Variants in ADAMTS1 observed in about 807,000 individuals in gnomAD.
The protein encoded by ADAMTS1 is ADAM metallopeptidase with thrombospondin type 1 motif 1, also known as A disintegrin and metalloproteinase with thrombospondin motifs 1.
ADAMTS1 carries 19 observed loss-of-function variants against 87.9 expected under a neutral mutation model. The ratio of observed to expected loss-of-function variants is 0.22; its 90% CI spans 0.15 to 0.32. The LOEUF (loss-of-function observed/expected upper bound fraction) is 0.32, where lower values mean the gene tolerates loss of function less well. Among genes scored for constraint, ADAMTS1 ranks in the 10% least tolerant of loss-of-function variants. The pLI is 1.00. For missense variants in ADAMTS1, 1,240 were observed against 1,259.1 expected (o/e 0.98, Z 0.23); for synonymous variants, 542 against 501.8 (o/e 1.08, Z -1.07).
chr21:26,839,548 C>T, intron 7 of ADAMTS1, 39 bp downstream of exon 7: 3 of 1,489,602 alleles, frequency 2.0e-6, no homozygotes, highest in Non-Finnish European at 2.7e-6. Context: ...CAAGCCCAGG[C>T]CTTGATTTTT....
In ADAMTS1 at chr21:26,837,954, C is replaced by T; in HGVS notation, c.2529G>A (p.Lys843=). Residue 843 remains lysine, a synonymous_variant, in exon 9 of 9, where the codon AAG becomes AAA. Transcript: ENST00000284984. ...RPKIKYTYFV[K]KKKESFNAIP... is the part of the protein sequence containing the mutation. ...TAGCATTGAAAGATTCCTTCTTCTT[C>T]TTTACGAAGTAGGTGTATTTAATTT... 1 of 1,614,200 alleles carries T rather than the reference C, an allele frequency of 6.2e-7. No homozygotes were observed.
rs1160915340 is a variant in ADAMTS1, at chr21:26,844,653, G to A, written c.302C>T (p.Thr101Met). 1 of 1,601,258 alleles carries A rather than the reference G, an allele frequency of 6.2e-7. No individual in the cohort carries two copies. The highest frequency in any genetic ancestry group is 8.5e-7 in the Non-Finnish European group (1 of 1,174,258). The stretch of plus-strand genomic sequence containing the variant: ...GGATTTGCGCCCCACGTTCTGGAGC[G>A]TGAAGCCGGGCGCCAAAAAGCTGCT... The part of the protein sequence containing the change: ...PDSSFLAPGF[T>M]LQNVGRKSGS... Residue 101 changes from threonine to methionine, a missense_variant, in exon 1 of 9, where the codon ACG becomes ATG. By Grantham distance (81) the Thr-to-Met change is moderately conservative. Transcript: ENST00000284984.
At position 26,844,639 on chromosome 21, in the gene ADAMTS1, C is replaced by T. The variant is rs771759437; in HGVS notation, c.316G>A (p.Gly106Arg). 6.2e-7 allele frequency: 1 copy of T among 1,605,824 alleles called. No individual in the cohort carries two copies. The highest frequency in any genetic ancestry group is 8.5e-7 in the Non-Finnish European group (1 of 1,176,500). Residue 106 changes from glycine (G) to arginine (R), a missense_variant, in exon 1 of 9, where the codon GGG (glycine) becomes AGG (arginine). Physicochemically the swap from Gly to Arg is moderately radical, Grantham distance 125 (BLOSUM62 -2). Transcript: ENST00000284984. ...LAPGFTLQNV[G>R]RKSGSETPLP... ...GGCGTCTCGGACCCGGATTTGCGCC[C>T]CACGTTCTGGAGCGTGAAGCCGGGC...
In ADAMTS1 at chr21:26,835,782, T is replaced by C. The variant is rs1456820329; in HGVS notation, c.*1797A>G. ...AAAGCTCTTTCCATTTAATTTATGG[T>C]ATATACCAGGGTTGGCAAACTGAAT... On this transcript the variant is annotated 3_prime_UTR_variant, in exon 9 of 9. Transcript: ENST00000284984. 7.0e-6 allele frequency: 1 copy of C among 143,564 alleles called. No homozygotes were observed. The highest frequency in any genetic ancestry group is 1.6e-5 in the Non-Finnish European group (1 of 62,544). 8.9% of individuals were successfully genotyped at this position (143,564 alleles called of 1,614,324 possible).
rs1203135608 is a variant in ADAMTS1 at position 26,841,952 on chromosome 21, C to T, written c.1116G>A (p.Met372Ile). The change falls in exon 3 of 9, where the codon ATG becomes ATA. Residue 372 changes from methionine (M) to isoleucine (I), a missense_variant. Around this residue, in one of 3 missense-constraint regions of ADAMTS1, gnomAD observed 317 missense variants for 410.3 expected, o/e 0.77. Coordinates refer to ENST00000284984, the MANE Select transcript of ADAMTS1 (RefSeq NM_006988.5). ...GATCACACACAGTTCCAACATCAGC[C>T]ATCCCAAGAGTATCACATGTCTGGG... Reference protein sequence around the residue: ...CGSQTCDTLGMADVGTVCDPS... With the variant: ...CGSQTCDTLGIADVGTVCDPS... 1 of 1,614,018 alleles carries T rather than the reference C, an allele frequency of 6.2e-7. No individual in the cohort carries two copies. The highest frequency in any genetic ancestry group is 1.3e-5 in the African/African-American group (1 of 74,918).
chr21:26,841,946 A>G lies in ADAMTS1; in HGVS notation c.1122T>C (p.Asp374=). ...TGCTCGGATCACACACAGTTCCAAC[A>G]TCAGCCATCCCAAGAGTATCACATG... The part of the protein sequence containing the change: ...SQTCDTLGMA[D]VGTVCDPSRS... Residue 374 remains aspartate, a synonymous_variant, in exon 3 of 9, where the codon GAT becomes GAC. Coordinates refer to ENST00000284984, the MANE Select transcript of ADAMTS1 (RefSeq NM_006988.5). 6.2e-7 allele frequency: 1 copy of G among 1,614,208 alleles called. No individual in the cohort carries two copies. The highest frequency in any genetic ancestry group is 8.5e-7 in the Non-Finnish European group (1 of 1,180,044).
At position 26,844,612 on chromosome 21, in the gene ADAMTS1, G is replaced by T. The variant is rs755846397; in HGVS notation, c.343C>A (p.Leu115Ile). 3.7e-6 allele frequency: 6 copies of T among 1,610,016 alleles called. 1 individual carries two copies. The South Asian group carries it at 6.6e-5, about 18-fold the overall frequency. Residue 115 changes from leucine to isoleucine, a missense_variant, in exon 1 of 9, where the codon CTT becomes ATT. Leu to Ile is a conservative substitution (Grantham distance 5). This residue lies in a region of ADAMTS1 where 521 missense variants were observed against 449.7 expected (regional missense o/e 1.16). Transcript: ENST00000284984. The part of the protein sequence containing the change: ...VGRKSGSETP[L>I]PETDLAHCFY... ...CAGTGCGCCAGGTCGGTTTCCGGAA[G>T]CGGCGTCTCGGACCCGGATTTGCGC...
In ADAMTS1 at chr21:26,845,259, G is replaced by T; in HGVS notation, c.-305C>A. The T allele has an allele frequency of 3.2e-6, 1 of 313,176 alleles. No individual in the cohort carries two copies. Among genetic ancestry groups the T allele is most frequent in the Non-Finnish European group, 5.8e-6 (1 of 171,840 alleles). 19.4% of individuals were successfully genotyped at this position (313,176 alleles called of 1,614,324 possible). A position where few individuals can be genotyped will look rare whatever the true frequency, so the allele number is the denominator to read the frequency against. On this transcript the variant is annotated 5_prime_UTR_variant, in exon 1 of 9. Coordinates refer to ENST00000284984, the MANE Select transcript of ADAMTS1 (RefSeq NM_006988.5). The stretch of plus-strand genomic sequence containing the variant: ...CGCTCTGGGGCGCCTCCGGGGCTGA[G>T]GCAACGCGGAGATTGGTGCCTGGCG...
intron 3 of ADAMTS1, 108 bp downstream of exon 3, chr21:26,841,750 G>T: frequency 8.1e-7 from 1 of 1,237,104 alleles, no homozygotes; most frequent in South Asian, 1.7e-5. Context: ...TTTCTAAGAT[G>T]CACTAGGACC....
At position 26,842,498 on chromosome 21, in the gene ADAMTS1, C is replaced by T. The variant is rs566205688; in HGVS notation, c.918G>A (p.Val306=). 6.2e-7 allele frequency: 1 copy of T among 1,614,134 alleles called. No homozygotes were observed. The highest frequency in any genetic ancestry group is 1.3e-5 in the African/African-American group (1 of 75,006). Residue 306 remains valine (V), a synonymous_variant, in exon 2 of 9, where the codon GTG becomes GTA. Transcript: ENST00000284984. ...CATCGTGGATGACCAAGATCTTCAC[C>T]ACCACCAGGCTAACTGAATTACGAA... ...PSIRNSVSLV[V]VKILVIHDEQ... is the part of the protein sequence containing the mutation.
chr21:26,839,828 T>A (rs374015739), intron 6 of ADAMTS1, 47 bp downstream of exon 6: 1 of 1,605,480 alleles, frequency 6.2e-7, no homozygotes, highest in Admixed American at 1.7e-5. Flanking sequence ...TGTGGGTACA[T>A]CTTTTTTTAA....
Position 26,844,083 on chromosome 21 carries a change from A to G in ADAMTS1, c.730+142T>C, listed in dbSNP as rs968268631. 51 of 1,067,814 alleles carry G rather than the reference A, an allele frequency of 4.8e-5. No individual in the cohort carries two copies. The Middle Eastern group carries it at 1.6e-3, about 33-fold the overall frequency. 66.1% of individuals were successfully genotyped at this position (1,067,814 alleles called of 1,614,324 possible). ...AGTTCACCAATCCAAACCTCAAACC[A>G]CATTCCTCCACTCCAGGCCTCCGTT... On this transcript the variant is annotated intron_variant, in intron 1 of 8. Coordinates refer to ENST00000284984, the MANE Select transcript of ADAMTS1 (RefSeq NM_006988.5).
Position 26,839,922 on chromosome 21 carries a change from C to T in ADAMTS1, c.1805G>A (p.Arg602Gln), listed in dbSNP as rs762770567. The change falls in exon 6 of 9, where the codon CGA becomes CAA. Residue 602 changes from arginine to glutamine, a missense_variant. Transcript: ENST00000284984. ...AAGGTTACAGGATCTGTAGCGCACT[C>T]GTTTGCCTTCACAGTACTTCCCTCC... ...KNGGKYCEGK[R>Q]VRYRSCNLED... The T allele has an allele frequency of 6.8e-6, 11 of 1,613,930 alleles. No individual in the cohort carries two copies. Among genetic ancestry groups the T allele is most frequent in the African/African-American group, 1.3e-5 (1 of 74,880 alleles).
Position 26,842,000 on chromosome 21 carries a change from G to T in ADAMTS1, c.1078-10C>A, listed in dbSNP as rs936825310. The stretch of plus-strand genomic sequence containing the variant: ...GGGACCCACACAAGTCCTACAAAAA[G>T]CAAAGGTAAATACTTATTAATAAGG... On this transcript the variant is annotated splice_polypyrimidine_tract_variant and intron_variant, in intron 2 of 8. Coordinates refer to ENST00000284984, the MANE Select transcript of ADAMTS1 (RefSeq NM_006988.5). 2 of 1,612,524 alleles carry T rather than the reference G, an allele frequency of 1.2e-6. No individual in the cohort carries two copies. Among genetic ancestry groups the T allele is most frequent in the Non-Finnish European group, 1.7e-6 (2 of 1,179,676 alleles).
rs201220753 is a variant in ADAMTS1 at position 26,842,555 on chromosome 21, C to T, written c.861G>A (p.Ser287=). Residue 287 remains serine, a synonymous_variant, in exon 2 of 9, where the codon TCG becomes TCA. Coordinates refer to ENST00000284984, the MANE Select transcript of ADAMTS1 (RefSeq NM_006988.5). ...GLKHYLLTLF[S]VAARLYKHPS... ...GGTGTTTGTACAATCTGGCTGCCAC[C>T]GAAAACAACGTGAGAAGGTAATGCT... 9.9e-6 allele frequency: 16 copies of T among 1,614,104 alleles called. No individual in the cohort carries two copies. Among genetic ancestry groups the T allele is most frequent in the Middle Eastern group, 3.3e-4 (2 of 6,062 alleles).
rs183409763 is a variant in ADAMTS1, at chr21:26,840,762, A to G, written c.1379-200T>C. ...CTCAATGGGGTATTTCTATATTAAC[A>G]ATGACAGGAAGTTATTGATCTGCGA... is the stretch of plus-strand genomic sequence containing the variant. On this transcript the variant is annotated intron_variant, in intron 4 of 8. Transcript: ENST00000284984. Among the ~76,000 whole-genome samples the G allele has an allele frequency of 1.0e-3, 158 of 152,298 alleles. 4 individuals carry two copies. The East Asian group carries it at 0.026, about 25-fold the overall frequency.
In ADAMTS1 at chr21:26,838,255, G is replaced by C. The variant is rs1463255013; in HGVS notation, c.2228C>G (p.Thr743Arg). The change falls in exon 9 of 9, where the codon ACA becomes AGA. Residue 743 changes from threonine to arginine, a missense_variant. Thr to Arg is a moderately conservative substitution (Grantham distance 71). Coordinates refer to ENST00000284984, the MANE Select transcript of ADAMTS1 (RefSeq NM_006988.5). ...GATGTTGGTGGCTCCAGTTGGAATT[G>C]TGATGATATCATGATATCCAGGTCT... The part of the protein sequence containing the change: ...SAKPGYHDII[T>R]IPTGATNIEV... 1.2e-6 allele frequency: 2 copies of C among 1,610,380 alleles called. No individual in the cohort carries two copies. The highest frequency in any genetic ancestry group is 3.3e-5 in the Admixed American group (2 of 59,804).
At position 26,844,825 on chromosome 21, in the gene ADAMTS1, G is replaced by T. The variant is rs765194336; in HGVS notation, c.130C>A (p.Leu44Met). Reference protein sequence around the residue: ...PTLLLLAAALLAVSDALGRPS... With the variant: ...PTLLLLAAALMAVSDALGRPS... ...CGCCCGAGTGCGTCCGACACGGCCA[G>T]TAGCGCCGCGGCGAGCAGCAGCAGC... The change falls in exon 1 of 9, where the codon CTG becomes ATG. Residue 44 changes from leucine (L) to methionine (M), a missense_variant. By Grantham distance (15) the Leu-to-Met change is conservative. Transcript: ENST00000284984. 20 of 1,551,780 alleles carry T rather than the reference G, an allele frequency of 1.3e-5. No homozygotes were observed. In the Admixed American group the frequency reaches 3.6e-4, roughly 28 times the overall value.
chr21:26,841,759 C>G, intron 3 of ADAMTS1, 99 bp downstream of exon 3: 1 of 1,361,734 alleles, frequency 7.3e-7, no homozygotes. Context: ...TGCACTAGGA[C>G]CTAAAATAGC....
Sources: gnomAD v4.1 joint callset for allele counts (sites outside exome capture counted in the v4.1 genomes callset) on GRCh38, gnomAD v4.1.1 for gene constraint, gnomAD v4.1.1 regional missense constraint, MANE v1.5 for transcripts, NCBI Gene and HGNC (gene_info 2026-07-23, HGNC 2026-07-21) for gene names.